The following ZNF658 variants were observed in gnomAD, a reference collection of about 807,000 sequenced individuals.
The protein encoded by ZNF658 is zinc finger protein 658.
ZNF658 carries 46 observed loss-of-function variants against 78.0 expected under a neutral mutation model. That is an observed-to-expected ratio of 0.59 (90% CI 0.47 to 0.75). ZNF658 has a LOEUF of 0.75. Among genes scored for constraint, ZNF658 ranks in the 30% least tolerant of loss-of-function variants. The probability of loss-of-function intolerance (pLI) is 0.00; values close to 1 mark genes in which losing one functional copy is unlikely to be tolerated. For missense variants in ZNF658, 785 were observed against 1,189.3 expected, an observed-to-expected ratio of 0.66 and a Z score of 5.00; for synonymous variants, 279 against 408.4, an observed-to-expected ratio of 0.68 and a Z score of 3.82.
intron 6 of ZNF658, among the ~76,000 whole-genome samples, chr9:66,927,382 AC>A (rs1301339709): frequency 6.6e-6 from 1 of 151,928 alleles, no homozygotes; most frequent in East Asian, 1.9e-4. Context: ...GAGAAAGGGA[AC>A]CCTTGTACAT....
intron 4 of ZNF658, among the ~76,000 whole-genome samples, chr9:66,914,178 A>G (rs1395675969): frequency 6.6e-6 from 1 of 150,926 alleles, no homozygotes; most frequent in African/African-American, 2.5e-5. Context: ...CTACTGATTT[A>G]TTTACTGTTT....
At chr9:66,923,526 T>TG (rs1473793086), downstream of ZNF658, among the ~76,000 whole-genome samples, 3 of 129,048 alleles carry the variant, frequency 2.3e-5, no homozygotes, top group Non-Finnish European at 4.9e-5. Context: ...GAAGGGGCAG[T>TG]GGGGGGGTTG....
downstream of ZNF658, among the ~76,000 whole-genome samples, chr9:66,923,793 A>AT (rs1481922214): frequency 6.7e-6 from 1 of 148,676 alleles, no homozygotes; most frequent in Non-Finnish European, 1.5e-5. Flanking sequence ...ATAAAAGGAG[A>AT]TTTTCTGTAG....
intron 1 of ZNF658, among the ~76,000 whole-genome samples, chr9:66,902,486 G>A (rs1821974347): frequency 7.8e-6 from 1 of 128,584 alleles, no homozygotes; most frequent in Admixed American, 8.7e-5. Context: ...GGGGTTGAGA[G>A]GGATGAGTGA....
At chr9:66,904,600 G>A (rs1822031180) in intron 2 of ZNF658, among the ~76,000 whole-genome samples, 1 of 151,724 alleles carries the variant, frequency 6.6e-6, no homozygotes, top group South Asian at 2.1e-4. Context: ...GATTTTTTTA[G>A]TACATTCTCA....
intron 2 of ZNF658, among the ~76,000 whole-genome samples, chr9:66,904,659 C>A (rs1822032471): frequency 6.6e-6 from 1 of 152,054 alleles, no homozygotes; most frequent in African/African-American, 2.4e-5. Flanking sequence ...TTTTTATTCC[C>A]TTAGAAAGAA....
chr9:66,920,111 A>G lies in ZNF658; in HGVS notation c.2545A>G (p.Thr849Ala). ...THLCAHQRIH[T>A]GEKPYECNEC... ...CCTCTGTGCACATCAGAGAATTCAT[A>G]CTGGGGAAAAACCCTATGAGTGTAA... The change falls in exon 5 of 5, where the codon ACT (threonine) becomes GCT (alanine). Residue 849 changes from threonine to alanine, a missense_variant. This residue lies in a region of ZNF658 where 58 missense variants were observed against 63.0 expected (regional missense o/e 0.92). Coordinates refer to ENST00000621410, the MANE Select transcript of ZNF658 (RefSeq NM_033160.7). 6.2e-7 allele frequency: 1 copy of G among 1,612,436 alleles called. No individual in the cohort carries two copies.
chr9:66,905,112 G>T (rs535634403), intron 2 of ZNF658, among the ~76,000 whole-genome samples: 12 of 109,034 alleles, frequency 1.1e-4, no homozygotes, highest in Non-Finnish European at 2.0e-4. Context: ...CTCTCGCTCT[G>T]TCACCCAGGC....
In ZNF658 at chr9:66,920,944, A is replaced by G. The variant is rs1587370313; in HGVS notation, c.*198A>G. On this transcript the variant is annotated 3_prime_UTR_variant, in exon 5 of 5. Coordinates refer to ENST00000621410, the MANE Select transcript of ZNF658 (RefSeq NM_033160.7). The stretch of plus-strand genomic sequence containing the variant: ...TATTACATTTACCCTTGGCCCTTAA[A>G]AAAAAAAAAGAAAAACCCTCACAGT... 4.5e-6 allele frequency: 3 copies of G among 669,186 alleles called. No individual in the cohort carries two copies. The East Asian group carries it at 7.8e-5, about 17-fold the overall frequency. The allele number at this position is 669,186 out of a possible 1,614,324, so 41.5% of individuals were successfully genotyped here. A position where few individuals can be genotyped will look rare whatever the true frequency, so the allele number is the denominator to read the frequency against.
chr9:66,914,137 TAC>T (rs1564172593), intron 4 of ZNF658, among the ~76,000 whole-genome samples: 4 of 151,590 alleles, frequency 2.6e-5, no homozygotes, highest in Non-Finnish European at 2.9e-5. Flanking sequence ...CTTAACAACG[TAC>T]AGTCTTCCAG....
At chr9:66,927,503 T>C (rs1822597391) in intron 6 of ZNF658, among the ~76,000 whole-genome samples, 1 of 151,140 alleles carries the variant, frequency 6.6e-6, no homozygotes, top group Non-Finnish European at 1.5e-5. Context: ...CACTTCTGGG[T>C]ATTTATCCAA....
rs200615859 is a variant in ZNF658, at chr9:66,917,856, C to T, written c.290C>T (p.Pro97Leu). Residue 97 changes from proline to leucine, a missense_variant, in exon 5 of 5, where the codon CCT (proline) becomes CTT (leucine). This residue lies in a region of ZNF658 where 4 missense variants were observed against 21.5 expected (regional missense o/e 0.19). Coordinates refer to ENST00000621410, the MANE Select transcript of ZNF658 (RefSeq NM_033160.7). ...IKGIREKQEK[P>L]LWQEIFISDA... Reference sequence around the variant, plus strand: ...GGGATCCGGGAAAAACAAGAAAAACCTCTGTGGCAAGAAATATTCATCAGT... The same window carrying T: ...GGGATCCGGGAAAAACAAGAAAAACTTCTGTGGCAAGAAATATTCATCAGT... 10,950 of 1,574,928 alleles carry T rather than the reference C, an allele frequency of 7.0e-3. 276 individuals are homozygous for T. Among genetic ancestry groups the T allele is most frequent in the African/African-American group, 0.068 (4,695 of 68,860 alleles).
chr9:66,904,511 T>C (rs1822029298), intron 2 of ZNF658, among the ~76,000 whole-genome samples: 1 of 152,132 alleles, frequency 6.6e-6, no homozygotes, highest in South Asian at 2.1e-4. Context: ...CCCTTGTTTT[T>C]TTCTTTTTTT....
chr9:66,930,662 G>A (rs1433039315), intron 6 of ZNF658, among the ~76,000 whole-genome samples: 1 of 151,820 alleles, frequency 6.6e-6, no homozygotes, highest in Non-Finnish European at 1.5e-5. Flanking sequence ...ATACAACAGA[G>A]CAAGACTCCG....
In ZNF658 at chr9:66,921,327, G is replaced by C. The variant is rs1332146393; in HGVS notation, c.*581G>C. On this transcript the variant is annotated 3_prime_UTR_variant, in exon 5 of 5. Transcript: ENST00000621410. ...TTGTCGACATCCAGGATGATCAGGA[G>C]CCTTCATTAAAACAGAAATTTTAGG... is the stretch of plus-strand genomic sequence containing the variant. 2.6e-5 allele frequency: 4 copies of C among 152,406 alleles called. No homozygotes were observed. Among genetic ancestry groups the C allele is most frequent in the Non-Finnish European group, 5.9e-5 (4 of 68,322 alleles). The allele number at this position is 152,406 out of a possible 1,614,324, so 9.4% of individuals were successfully genotyped here. A position where few individuals can be genotyped will look rare whatever the true frequency, so the allele number is the denominator to read the frequency against.
At chr9:66,901,529 C>G (rs1042601113) in intron 1 of ZNF658, among the ~76,000 whole-genome samples, 2 of 151,616 alleles carry the variant, frequency 1.3e-5, no homozygotes, top group Non-Finnish European at 2.9e-5. Context: ...TTTGTCGGGT[C>G]TCTGATTCAG....
rs1463079723 is a variant in ZNF658 at position 66,921,367 on chromosome 9, C to T, written c.*621C>T. The T allele has an allele frequency of 1.3e-5, 2 of 151,922 alleles. No individual in the cohort carries two copies. Among genetic ancestry groups the T allele is most frequent in the South Asian group, 2.1e-4 (1 of 4,804 alleles). 9.4% of individuals were successfully genotyped at this position (151,922 alleles called of 1,614,324 possible). On this transcript the variant is annotated 3_prime_UTR_variant, in exon 5 of 5. Coordinates refer to ENST00000621410, the MANE Select transcript of ZNF658 (RefSeq NM_033160.7). ...GAAATTTTAGGGAAAACCACAAAAA[C>T]CTTCGTAAAGTGAATTGCATTAAAC...
chr9:66,915,707 T>C (rs1308166808), intron 4 of ZNF658, among the ~76,000 whole-genome samples: 5 of 151,704 alleles, frequency 3.3e-5, no homozygotes, highest in Non-Finnish European at 7.4e-5. Flanking sequence ...TAGTCCTCTC[T>C]TGAATTTTTG....
rs748814402 is a variant in ZNF658 at position 66,917,933 on chromosome 9, T to C, written c.367T>C (p.Phe123Leu). ...AGGACAGAAAGTTTTAGAAAAACCA[T>C]TTAATCTGGAAATAGCTCCAGAGCT... ...KEGQKVLEKP[F>L]NLEIAPELSE... Residue 123 changes from phenylalanine to leucine, a missense_variant, in exon 5 of 5, where the codon TTT becomes CTT. By Grantham distance (22) the Phe-to-Leu change is conservative. This residue lies in a region of ZNF658 where 54 missense variants were observed against 48.9 expected (regional missense o/e 1.10). Coordinates refer to ENST00000621410, the MANE Select transcript of ZNF658 (RefSeq NM_033160.7). 1.9e-6 allele frequency: 3 copies of C among 1,611,042 alleles called. No homozygotes were observed. The highest frequency in any genetic ancestry group is 2.2e-5 in the South Asian group (2 of 90,854).
Sources: allele counts gnomAD v4.1 joint callset (sites outside exome capture counted in the v4.1 genomes callset), GRCh38; gene constraint gnomAD v4.1.1; regional missense constraint gnomAD v4.1.1; transcripts MANE v1.5; gene names NCBI Gene and HGNC (gene_info 2026-07-23, HGNC 2026-07-21).